The following DIRAS2 variants were observed in gnomAD, a reference collection of about 807,000 sequenced individuals.
DIRAS2 encodes DIRAS family GTPase 2.
Under a neutral mutation model 13.9 loss-of-function variants are expected in DIRAS2, and 5 were observed. The ratio of observed to expected loss-of-function variants is 0.36; its 90% CI spans 0.19 to 0.76. The LOEUF is 0.76. Among genes scored for constraint, DIRAS2 ranks in the 30% least tolerant of loss-of-function variants. The pLI is 0.53. For synonymous variants in DIRAS2, 111 were observed against 105.4 expected (o/e 1.05, Z -0.33); for missense variants, 191 against 263.0 (o/e 0.73, Z 1.89).
chr9:90,637,185 C>T (rs2118586343), intron 1 of DIRAS2, among the ~76,000 whole-genome samples: 1 of 152,302 alleles, frequency 6.6e-6, no homozygotes, highest in South Asian at 2.1e-4. Flanking sequence ...ATTGTAAAGT[C>T]AAAACATCAT....
At chr9:90,641,409 C>G (rs963474053) in intron 1 of DIRAS2, among the ~76,000 whole-genome samples, 1 of 152,116 alleles carries the variant, frequency 6.6e-6, no homozygotes, top group Non-Finnish European at 1.5e-5. Context: ...TGTGCTTGCC[C>G]GGGACTATTA....
chr9:90,630,556 C>T (rs913352870), intron 1 of DIRAS2, among the ~76,000 whole-genome samples: 5 of 152,052 alleles, frequency 3.3e-5, no homozygotes, highest in Non-Finnish European at 7.4e-5. Flanking sequence ...AGAGTCTTTC[C>T]AATACTTTAC....
intron 1 of DIRAS2, among the ~76,000 whole-genome samples, chr9:90,640,115 C>T (rs1023694189): frequency 6.6e-6 from 1 of 152,164 alleles, no homozygotes; most frequent in Non-Finnish European, 1.5e-5. Context: ...TTTTTATATG[C>T]TGGCTTAACT....
At chr9:90,638,475 T>A (rs1047623174) in intron 1 of DIRAS2, among the ~76,000 whole-genome samples, 1 of 152,228 alleles carries the variant, frequency 6.6e-6, no homozygotes, top group Admixed American at 6.5e-5. Flanking sequence ...TTTTGTGGTC[T>A]GCTACCATTC....
At position 90,613,833 on chromosome 9, in the gene DIRAS2, T is replaced by C. The variant is rs1450006555; in HGVS notation, c.-6A>G. 1.5e-5 allele frequency: 24 copies of C among 1,605,962 alleles called. No homozygotes were observed. Among genetic ancestry groups the C allele is most frequent in the Non-Finnish European group, 2.0e-5 (24 of 1,174,430 alleles). On this transcript the variant is annotated 5_prime_UTR_variant, in exon 2 of 2. Transcript: ENST00000375765. This position sits in a 1 kb window ranked among gnomAD's most constrained non-coding sequence, Gnocchi z 5.6. The stretch of plus-strand genomic sequence containing the variant: ...TCGTTACTCTGCTCAGGCATGTTGC[T>C]GGAGAGCTCCAACTCTCAGCCAGGA...
At chr9:90,630,451 A>T (rs954195405) in intron 1 of DIRAS2, among the ~76,000 whole-genome samples, 14 of 152,224 alleles carry the variant, frequency 9.2e-5, no homozygotes, top group Admixed American at 2.6e-4. Context: ...ATTACAGAAA[A>T]GATCTTGAAG....
At chr9:90,622,973 A>G (rs1344590344) in intron 1 of DIRAS2, among the ~76,000 whole-genome samples, 1 of 152,158 alleles carries the variant, frequency 6.6e-6, no homozygotes, top group African/African-American at 2.4e-5. Context: ...TGATGGATTG[A>G]TTGTACCTAT....
rs1295572191 is a variant in DIRAS2 at position 90,611,236 on chromosome 9, T to A, written c.*1992A>T. 1 of 152,238 alleles carries A rather than the reference T, an allele frequency of 6.6e-6. No individual in the cohort carries two copies. Among genetic ancestry groups the A allele is most frequent in the Non-Finnish European group, 1.5e-5 (1 of 68,050 alleles). The allele number at this position is 152,238 out of a possible 1,614,324, so 9.4% of individuals were successfully genotyped here. A position where few individuals can be genotyped will look rare whatever the true frequency, so the allele number is the denominator to read the frequency against. On this transcript the variant is annotated 3_prime_UTR_variant, in exon 2 of 2. Coordinates refer to ENST00000375765, the MANE Select transcript of DIRAS2 (RefSeq NM_017594.5). The stretch of plus-strand genomic sequence containing the variant: ...TTGCGAATGCTGTGCAACAGCTTTT[T>A]AGAACAGAACAATCCTGCTTGAGGA...
intron 1 of DIRAS2, among the ~76,000 whole-genome samples, chr9:90,631,546 C>T (rs903758869): frequency 1.3e-5 from 2 of 152,094 alleles, no homozygotes; most frequent in Admixed American, 6.6e-5. Context: ...TGATACGTGC[C>T]AAGGGTGGCT....
intron 1 of DIRAS2, among the ~76,000 whole-genome samples, chr9:90,629,006 C>G (rs183428791): frequency 6.6e-6 from 1 of 152,084 alleles, no homozygotes; most frequent in African/African-American, 2.4e-5. Flanking sequence ...GGGCGCCCGC[C>G]ACCACGCCCG....
chr9:90,617,020 T>C (rs1189358893), intron 1 of DIRAS2, among the ~76,000 whole-genome samples: 1 of 152,182 alleles, frequency 6.6e-6, no homozygotes, highest in Non-Finnish European at 1.5e-5. Context: ...GGCTGGAACT[T>C]GCCAGATGGT....
At position 90,631,541 on chromosome 9, in the gene DIRAS2, C is replaced by T. The variant is rs189327656; in HGVS notation, c.-37+11211G>A. Among the ~76,000 whole-genome samples the T allele has an allele frequency of 9.1e-4, 139 of 152,264 alleles. 3 individuals are homozygous for T. The Middle Eastern group carries it at 0.024, about 26-fold the overall frequency. ...GAAGTCTCCAGCAACAATCTTGATA[C>T]GTGCCAAGGGTGGCTTGTACCAGGG... On this transcript the variant is annotated intron_variant, in intron 1 of 1. Transcript: ENST00000375765.
In DIRAS2 at chr9:90,610,269, A is replaced by G. The variant is rs1205532660; in HGVS notation, c.*2959T>C. 1 of 395,422 alleles carries G rather than the reference A, an allele frequency of 2.5e-6. No individual in the cohort carries two copies. The highest frequency in any genetic ancestry group is 2.1e-5 in the African/African-American group (1 of 48,578). The allele number at this position is 395,422 out of a possible 1,614,324, so 24.5% of individuals were successfully genotyped here. ...ATATTACAAACAGTGAAACAAATAT[A>G]CTAGCTTACAGATATGTACAATTTA... On this transcript the variant is annotated 3_prime_UTR_variant, in exon 2 of 2. Transcript: ENST00000375765.
At chr9:90,624,717 C>CTT (rs374652493) in intron 1 of DIRAS2, among the ~76,000 whole-genome samples, 5 of 147,768 alleles carry the variant, frequency 3.4e-5, no homozygotes, top group African/African-American at 7.4e-5. Context: ...CTTAATGACA[C>CTT]TTTTTTTTTT....
intron 1 of DIRAS2, among the ~76,000 whole-genome samples, chr9:90,618,492 C>A (rs1257401028): frequency 1.3e-5 from 2 of 152,098 alleles, no homozygotes; most frequent in African/African-American, 4.8e-5. Flanking sequence ...ACCTTGATAA[C>A]CTTGGAGTAA....
At chr9:90,615,373 A>T (rs984417186) in intron 1 of DIRAS2, among the ~76,000 whole-genome samples, 3 of 152,236 alleles carry the variant, frequency 2.0e-5, no homozygotes, top group Admixed American at 6.5e-5. Flanking sequence ...CTAAGGAAAC[A>T]TCAATGCTAA....
At chr9:90,632,925 T>C (rs950096975) in intron 1 of DIRAS2, among the ~76,000 whole-genome samples, 1 of 152,232 alleles carries the variant, frequency 6.6e-6, no homozygotes, top group Non-Finnish European at 1.5e-5. Flanking sequence ...GCTATTTCAC[T>C]GACAGGGCAG....
At chr9:90,632,900 A>G (rs1165085246) in intron 1 of DIRAS2, among the ~76,000 whole-genome samples, 3 of 152,216 alleles carry the variant, frequency 2.0e-5, no homozygotes, top group Non-Finnish European at 4.4e-5. Flanking sequence ...ACAGAACACT[A>G]GTGCAGAACA....
Position 90,626,813 on chromosome 9 carries a change from C to T in DIRAS2, c.-36-12950G>A, listed in dbSNP as rs144103159. 9.8e-5 allele frequency among the ~76,000 whole-genome samples: 15 copies of T among 152,302 alleles called. No individual in the cohort carries two copies. The South Asian group carries it at 2.9e-3, about 29-fold the overall frequency. Reference sequence around the variant, plus strand: ...AGATATTTGTGTGCCCGTGTTCACACAGCAGTATTACTCACAATAGCCCGA... The same window carrying T: ...AGATATTTGTGTGCCCGTGTTCACATAGCAGTATTACTCACAATAGCCCGA... On this transcript the variant is annotated intron_variant, in intron 1 of 1. Transcript: ENST00000375765.
Sources: gnomAD v4.1 joint callset for allele counts (sites outside exome capture counted in the v4.1 genomes callset) on GRCh38, gnomAD v4.1.1 for gene constraint, Gnocchi (gnomAD v3.1) non-coding constraint, MANE v1.5 for transcripts, NCBI Gene and HGNC (gene_info 2026-07-23, HGNC 2026-07-21) for gene names.